Variants in LINGO2 observed in about 807,000 individuals in gnomAD.
The protein encoded by LINGO2 is leucine rich repeat and Ig domain containing 2.
A neutral mutation model predicts 30.6 loss-of-function variants in LINGO2; 14 were observed. That is an observed-to-expected ratio of 0.46 (90% confidence interval 0.30 to 0.72). The LOEUF is 0.72. Among genes scored for constraint, LINGO2 ranks in the 30% least tolerant of loss-of-function variants. LINGO2 has a pLI of 0.07. For missense variants in LINGO2, 729 were observed against 751.7 expected, an observed-to-expected ratio of 0.97 and a Z score of 0.35; for synonymous variants, 317 against 288.5, an observed-to-expected ratio of 1.10 and a Z score of -1.00.
chr9:28,307,428 C>T (rs983921983), intron 3 of LINGO2, among the ~76,000 whole-genome samples: 5 of 152,160 alleles, frequency 3.3e-5, no homozygotes, highest in South Asian at 4.1e-4. Context: ...TGGGACGTAT[C>T]TCAAAACAAT....
the LINGO2 span, among the ~76,000 whole-genome samples, chr9:29,129,372 A>C: frequency 6.6e-6 from 1 of 152,124 alleles, no homozygotes; most frequent in African/African-American, 2.4e-5. Flanking sequence ...TAAATGTTTA[A>C]AATAAATTTT....
chr9:28,429,953 G>C (rs1823579479), intron 2 of LINGO2, among the ~76,000 whole-genome samples: 1 of 152,126 alleles, frequency 6.6e-6, no homozygotes, highest in Non-Finnish European at 1.5e-5. Context: ...AACCCCTGTA[G>C]CACCTATGAA....
the LINGO2 span, among the ~76,000 whole-genome samples, chr9:28,901,570 C>T: frequency 2.0e-4 from 31 of 151,390 alleles, no homozygotes; most frequent in African/African-American, 5.3e-4. Flanking sequence ...AAAATGTATG[C>T]ATAGGGGGTG....
At chr9:28,260,242 T>TC (rs1822518914) in intron 4 of LINGO2, among the ~76,000 whole-genome samples, 1 of 150,614 alleles carries the variant, frequency 6.6e-6, no homozygotes, top group Non-Finnish European at 1.5e-5. Flanking sequence ...ACTTGTAATT[T>TC]TTTTTTTTTT....
At chr9:29,073,074 C>T in the LINGO2 span, among the ~76,000 whole-genome samples, 5 of 151,408 alleles carry the variant, frequency 3.3e-5, no homozygotes, top group African/African-American at 1.2e-4. Context: ...TATCTGTGTC[C>T]CTGAATTTAT....
chr9:28,776,006 C>T, the LINGO2 span, among the ~76,000 whole-genome samples: 3 of 152,148 alleles, frequency 2.0e-5, no homozygotes, highest in Non-Finnish European at 2.9e-5. Context: ...CAGTCCCTGG[C>T]TCATGGCAAG....
intron 4 of LINGO2, among the ~76,000 whole-genome samples, chr9:28,244,819 CAAAAA>C (rs111672074): frequency 7.1e-6 from 1 of 140,430 alleles, no homozygotes. Flanking sequence ...GTATGCCAAC[CAAAAA>C]AAAAAAAAAG....
chr9:28,930,923 T>C, the LINGO2 span, among the ~76,000 whole-genome samples: 1 of 152,200 alleles, frequency 6.6e-6, no homozygotes, highest in Non-Finnish European at 1.5e-5. This position sits in a 1 kb window ranked among gnomAD's most constrained non-coding sequence, Gnocchi z 4.2. Flanking sequence ...CTTTTCATTA[T>C]ATGTTATTTA....
At chr9:28,033,752 T>C (rs989394834) in intron 4 of LINGO2, among the ~76,000 whole-genome samples, 2 of 152,240 alleles carry the variant, frequency 1.3e-5, no homozygotes, top group Non-Finnish European at 2.9e-5. Context: ...TTGAAAAGTA[T>C]AACCAGGATA....
At chr9:28,743,082 T>C in the LINGO2 span, among the ~76,000 whole-genome samples, 1 of 152,072 alleles carries the variant, frequency 6.6e-6, no homozygotes, top group Admixed American at 6.6e-5. Flanking sequence ...ATGACTTCTT[T>C]AGTATTTTTT....
At chr9:28,876,699 C>T in the LINGO2 span, among the ~76,000 whole-genome samples, 25 of 151,998 alleles carry the variant, frequency 1.6e-4, no homozygotes, top group Admixed American at 2.6e-4. Context: ...TGAATAGTGC[C>T]GCAATAAACA....
chr9:28,538,101 G>A (rs1049110172), intron 1 of LINGO2, among the ~76,000 whole-genome samples: 5 of 152,012 alleles, frequency 3.3e-5, no homozygotes, highest in Non-Finnish European at 7.4e-5. Flanking sequence ...TTAATCAAGA[G>A]TGAGGGCAAA....
chr9:28,094,348 T>G (rs1826183174), intron 4 of LINGO2, among the ~76,000 whole-genome samples: 1 of 152,082 alleles, frequency 6.6e-6, no homozygotes, highest in African/African-American at 2.4e-5. Flanking sequence ...TTGCCTATAT[T>G]TCTGTAAGGT....
the LINGO2 span, among the ~76,000 whole-genome samples, chr9:29,181,549 T>A: frequency 6.6e-6 from 1 of 152,162 alleles, no homozygotes; most frequent in Admixed American, 6.5e-5. Flanking sequence ...CATGATAATA[T>A]GAGGACCACA....
At chr9:28,442,980 T>TA (rs397815525) in intron 2 of LINGO2, among the ~76,000 whole-genome samples, 4 of 151,902 alleles carry the variant, frequency 2.6e-5, no homozygotes, top group African/African-American at 9.7e-5. Flanking sequence ...ATTGTTTTTT[T>TA]ATCCCACAAA....
chr9:28,695,692 G>T, the LINGO2 span, among the ~76,000 whole-genome samples: 1 of 150,204 alleles, frequency 6.7e-6, no homozygotes, highest in East Asian at 2.0e-4. Context: ...TGCCAATATT[G>T]TTGAATGAAC....
At chr9:28,649,378 T>G (rs1827985317) in intron 1 of LINGO2, among the ~76,000 whole-genome samples, 4 of 152,126 alleles carry the variant, frequency 2.6e-5, no homozygotes, top group Non-Finnish European at 4.4e-5. Context: ...ATAACAGTTC[T>G]AAAATATAGA....
intron 1 of LINGO2, among the ~76,000 whole-genome samples, chr9:28,484,370 A>T (rs1826088603): frequency 6.6e-6 from 1 of 152,072 alleles, no homozygotes; most frequent in African/African-American, 2.4e-5. Flanking sequence ...TGTACCTGTC[A>T]TACATCCGTC....
chr9:29,196,047 G>A, the LINGO2 span, among the ~76,000 whole-genome samples: 3 of 152,178 alleles, frequency 2.0e-5, no homozygotes, highest in African/African-American at 7.2e-5. Context: ...AAAGACTGAA[G>A]GAAAATGTTT....
Sources: allele counts gnomAD v4.1 joint callset (sites outside exome capture counted in the v4.1 genomes callset), GRCh38; gene constraint gnomAD v4.1.1; non-coding constraint Gnocchi (gnomAD v3.1); transcripts MANE v1.5; gene names NCBI Gene and HGNC (gene_info 2026-07-23, HGNC 2026-07-21).